The following HMGA2 variants were observed in gnomAD, a reference collection of about 807,000 sequenced individuals.
HMGA2 encodes high mobility group AT-hook 2, also known as high mobility group protein HMGI-C.
Under a neutral mutation model 19.1 loss-of-function variants are expected in HMGA2, and 8 were observed. That is an observed-to-expected ratio of 0.42 (90% CI 0.25 to 0.76). The LOEUF (loss-of-function observed/expected upper bound fraction) is 0.76, where lower values mean the gene tolerates loss of function less well. Among genes scored for constraint, HMGA2 ranks in the 30% least tolerant of loss-of-function variants. The pLI, the probability that HMGA2 is intolerant of heterozygous loss-of-function variation, is 0.28. For missense variants in HMGA2, 109 were observed against 136.3 expected, an observed-to-expected ratio of 0.80 and a Z score of 1.00; for synonymous variants, 60 against 48.8, an observed-to-expected ratio of 1.23 and a Z score of -0.96.
chr12:65,842,985 A>G (rs1592380054), intron 3 of HMGA2: 2 of 656,722 alleles, frequency 3.0e-6, no homozygotes. Context: ...GAAAAGAAGC[A>G]AGAACCAAAT....
At chr12:65,892,942 G>A (rs1394713814) in intron 3 of HMGA2, among the ~76,000 whole-genome samples, 2 of 152,114 alleles carry the variant, frequency 1.3e-5, no homozygotes, top group East Asian at 3.8e-4. Flanking sequence ...GGCCCCTCTG[G>A]CTCAAAGACT....
chr12:65,861,551 ACTTTT>A (rs998589078), intron 3 of HMGA2, among the ~76,000 whole-genome samples: 4 of 151,378 alleles, frequency 2.6e-5, no homozygotes, highest in African/African-American at 9.7e-5. Flanking sequence ...AAAATAAATT[ACTTTT>A]CTTTTTCAAA....
At chr12:65,843,704 A>G (rs1871108651) in intron 3 of HMGA2, among the ~76,000 whole-genome samples, 1 of 152,078 alleles carries the variant, frequency 6.6e-6, no homozygotes, top group Non-Finnish European at 1.5e-5. Context: ...ACACAAGCAC[A>G]CACACACACA....
At chr12:65,898,349 T>A (rs1398405864) in intron 3 of HMGA2, among the ~76,000 whole-genome samples, 2 of 152,190 alleles carry the variant, frequency 1.3e-5, no homozygotes, top group African/African-American at 4.8e-5. Flanking sequence ...CTGTTCAGTA[T>A]AACATATTGT....
intron 3 of HMGA2, among the ~76,000 whole-genome samples, chr12:65,909,609 A>G (rs908286442): frequency 1.3e-5 from 2 of 151,904 alleles, no homozygotes; most frequent in Non-Finnish European, 2.9e-5. Context: ...ACCAACAAAG[A>G]AAAAAAAGGG....
At chr12:65,882,306 G>A (rs1012674174) in intron 3 of HMGA2, 4 of 217,028 alleles carry the variant, frequency 1.8e-5, no homozygotes, top group Admixed American at 1.0e-4. Context: ...GCTCCGGGCT[G>A]CGCTGCCAGG....
intron 3 of HMGA2, among the ~76,000 whole-genome samples, chr12:65,938,415 C>CT (rs1255241142): frequency 6.6e-6 from 1 of 152,180 alleles, no homozygotes; most frequent in Non-Finnish European, 1.5e-5. Context: ...CATCAGAATT[C>CT]TTTATCTACA....
intron 3 of HMGA2, among the ~76,000 whole-genome samples, chr12:65,931,843 T>A (rs960046279): frequency 1.3e-5 from 2 of 151,836 alleles, no homozygotes; most frequent in Non-Finnish European, 2.9e-5. Context: ...AGCCTAGGAG[T>A]TCGAGGCTAC....
intron 2 of HMGA2, among the ~76,000 whole-genome samples, chr12:65,837,902 C>G (rs2120869949): frequency 6.6e-6 from 1 of 152,114 alleles, no homozygotes; most frequent in South Asian, 2.1e-4. Flanking sequence ...TTTTCCTCTG[C>G]TTTAGGTGAA....
intron 3 of HMGA2, among the ~76,000 whole-genome samples, chr12:65,855,699 A>AGATAAT (rs1871703854): frequency 6.7e-6 from 1 of 148,550 alleles, no homozygotes; most frequent in Non-Finnish European, 1.5e-5. Context: ...ACCAGAACAC[A>AGATAAT]GATGATGATG....
intron 3 of HMGA2, among the ~76,000 whole-genome samples, chr12:65,943,749 G>T (rs1321083180): frequency 1.3e-5 from 2 of 152,208 alleles, no homozygotes; most frequent in Non-Finnish European, 1.5e-5. Context: ...CACCATAAGG[G>T]CCAGATGTTA....
intron 3 of HMGA2, among the ~76,000 whole-genome samples, chr12:65,853,832 A>T (rs535348873): frequency 6.6e-6 from 1 of 152,324 alleles, no homozygotes; most frequent in South Asian, 2.1e-4. Flanking sequence ...AGAAATATCC[A>T]AATTTGAGAA....
intron 4 of HMGA2, chr12:65,953,370 G>A (rs1160745581): frequency 6.6e-6 from 1 of 152,152 alleles, no homozygotes; most frequent in East Asian, 1.9e-4. Flanking sequence ...GATAAGACTG[G>A]AATTTTCTTG....
At chr12:65,915,538 C>G (rs764588088) in intron 3 of HMGA2, 7 of 1,157,354 alleles carry the variant, frequency 6.0e-6, no homozygotes, top group Non-Finnish European at 7.5e-6. Context: ...TTCACTGTCT[C>G]TGTCTCTTCA....
chr12:65,963,612 T>C lies in HMGA2; in HGVS notation c.*320T>C, dbSNP rs966105367. 4 of 423,308 alleles carry C rather than the reference T, an allele frequency of 9.4e-6. No individual in the cohort carries two copies. In the South Asian group the frequency reaches 1.1e-4, roughly 11 times the overall value. 26.2% of individuals were successfully genotyped at this position (423,308 alleles called of 1,614,324 possible). A position where few individuals can be genotyped will look rare whatever the true frequency, so the allele number is the denominator to read the frequency against. ...TTAACCTACTAATAGTTTGTTGATC[T>C]GATAAGCAAGAGTGGGCGGGTGAGA... On this transcript the variant is annotated 3_prime_UTR_variant, in exon 5 of 5. Transcript: ENST00000403681.
At chr12:65,922,783 A>G (rs1421906339) in intron 3 of HMGA2, among the ~76,000 whole-genome samples, 2 of 152,020 alleles carry the variant, frequency 1.3e-5, no homozygotes, top group Non-Finnish European at 2.9e-5. Context: ...ATGTGTTGTG[A>G]GAAGGACCCA....
At chr12:65,958,763 T>C (rs1457713425) in intron 4 of HMGA2, 1 of 152,108 alleles carries the variant, frequency 6.6e-6, no homozygotes, top group East Asian at 1.9e-4. Context: ...CAAGTATTTG[T>C]AGGTTTATTG....
Position 65,887,394 on chromosome 12 carries a change from C to A in HMGA2, c.249+48825C>A, listed in dbSNP as rs149060621. Among the ~76,000 whole-genome samples, 1,082 of 152,210 alleles carry A rather than the reference C, an allele frequency of 7.1e-3. 12 individuals carry two copies. Among genetic ancestry groups the A allele is most frequent in the African/African-American group, 0.025 (1,026 of 41,530 alleles). On this transcript the variant is annotated intron_variant, in intron 3 of 4. Transcript: ENST00000403681. ...CCTGAGGTCAGGAGTTCAAAACCAG[C>A]CTGGCAACATGGCAAAACCCCGTCT...
At chr12:65,957,591 A>G (rs930510609) in intron 4 of HMGA2, 5 of 152,318 alleles carry the variant, frequency 3.3e-5, no homozygotes, top group East Asian at 1.9e-4. Context: ...TGAACCTGGC[A>G]TGGAAAACTG....
Sources: allele counts gnomAD v4.1 joint callset (sites outside exome capture counted in the v4.1 genomes callset), GRCh38; gene constraint gnomAD v4.1.1; transcripts MANE v1.5; gene names NCBI Gene and HGNC (gene_info 2026-07-23, HGNC 2026-07-21).